The following CLASP2 variants were observed in gnomAD, a reference collection of about 807,000 sequenced individuals.
The protein encoded by CLASP2 is CLIP-associating protein 2.
In CLASP2, 47 loss-of-function variants were observed where a neutral mutation model predicts 194.4. The observed-to-expected ratio is 0.24, with a 90% CI of 0.19 to 0.31. The LOEUF (loss-of-function observed/expected upper bound fraction) is 0.31, where lower values mean the gene tolerates loss of function less well. Ranked by LOEUF, CLASP2 falls within the 10% of genes least tolerant of loss-of-function variation. The pLI, the probability that CLASP2 is intolerant of heterozygous loss-of-function variation, is 1.00. For synonymous variants in CLASP2, 619 were observed against 633.5 expected, an observed-to-expected ratio of 0.98 and a Z score of 0.34; for missense variants, 1,445 against 1,823.6, an observed-to-expected ratio of 0.79 and a Z score of 3.78.
chr3:33,504,503 A>C (rs140695453), intron 37 of CLASP2: 2 of 152,216 alleles, frequency 1.3e-5, no homozygotes, highest in Non-Finnish European at 2.9e-5. Context: ...TGAGCTGCGT[A>C]ATCATTCAAT....
chr3:33,637,483 G>A (rs927342943), intron 8 of CLASP2, among the ~76,000 whole-genome samples: 1 of 152,104 alleles, frequency 6.6e-6, no homozygotes, highest in Admixed American at 6.5e-5. Flanking sequence ...GCAGTGAGCC[G>A]AGATCATGCC....
chr3:33,514,838 AC>A (rs2050844962), intron 36 of CLASP2, among the ~76,000 whole-genome samples: 1 of 142,358 alleles, frequency 7.0e-6, no homozygotes, highest in South Asian at 2.2e-4. Flanking sequence ...ACACACACAC[AC>A]CATGTGTATG....
At chr3:33,594,328 A>G (rs1035487009) in intron 20 of CLASP2, among the ~76,000 whole-genome samples, 10 of 152,180 alleles carry the variant, frequency 6.6e-5, no homozygotes, top group East Asian at 1.9e-4. Context: ...GGTTTTAAAA[A>G]GACAGACTTC....
At chr3:33,670,742 A>C (rs1204179048) in intron 6 of CLASP2, among the ~76,000 whole-genome samples, 3 of 152,008 alleles carry the variant, frequency 2.0e-5, no homozygotes, top group Non-Finnish European at 2.9e-5. Context: ...AGAGTGGACA[A>C]CTCTTGAGAG....
chr3:33,716,860 AG>A (rs1435182516), intron 1 of CLASP2, among the ~76,000 whole-genome samples: 2 of 152,238 alleles, frequency 1.3e-5, no homozygotes, highest in Non-Finnish European at 2.9e-5. Context: ...TTTGAATAAA[AG>A]GTTTCAAAGT....
chr3:33,687,203 T>C (rs2090784120), intron 4 of CLASP2, 68 bp from the exon 5 acceptor site: 5 of 938,774 alleles, frequency 5.3e-6, no homozygotes, highest in Non-Finnish European at 8.2e-6. Context: ...AATATCCTTA[T>C]ACCTTCTTGT....
intron 29 of CLASP2, among the ~76,000 whole-genome samples, chr3:33,554,057 A>G (rs1014743056): frequency 6.6e-6 from 1 of 152,024 alleles, no homozygotes; most frequent in South Asian, 2.1e-4. Context: ...GTTAAACCCC[A>G]TCTATACTAA....
chr3:33,565,216 TCACCC>T (rs2062483391), intron 27 of CLASP2, among the ~76,000 whole-genome samples: 2 of 152,256 alleles, frequency 1.3e-5, no homozygotes, highest in Non-Finnish European at 2.9e-5. Flanking sequence ...GTCTCACCTA[TCACCC>T]AGGGTGGAGT....
At position 33,644,835 on chromosome 3, in the gene CLASP2, C is replaced by A. The variant is rs1345643464; in HGVS notation, c.784G>T (p.Val262Phe). Residue 262 changes from valine to phenylalanine, a missense_variant, in exon 8 of 39, where the codon GTT becomes TTT. Around this residue, in one of 4 missense-constraint regions of CLASP2, gnomAD observed 332 missense variants for 325.3 expected, o/e 1.02. Coordinates refer to ENST00000682230, the MANE Select transcript of CLASP2 (RefSeq NM_001365631.1). ...RPSSAASAFK[V>F]PAPKTSGNPA... Reference sequence around the variant, plus strand: ...TTTCCGGATGTTTTAGGTGCAGGAACCTTGAAGGCTGATGCAGCTGATGAT... The same window carrying A: ...TTTCCGGATGTTTTAGGTGCAGGAAACTTGAAGGCTGATGCAGCTGATGAT... 3.7e-6 allele frequency: 6 copies of A among 1,612,108 alleles called. No individual in the cohort carries two copies. The highest frequency in any genetic ancestry group is 5.1e-6 in the Non-Finnish European group (6 of 1,179,052).
intron 37 of CLASP2, chr3:33,503,468 G>C (rs2047313232): frequency 1.3e-5 from 2 of 148,602 alleles, no homozygotes; most frequent in Admixed American, 1.4e-4. Context: ...TTGCTCCGTT[G>C]CCTAGGCTGG....
chr3:33,705,879 T>C (rs1396699587), intron 1 of CLASP2, among the ~76,000 whole-genome samples: 4 of 151,880 alleles, frequency 2.6e-5, no homozygotes, highest in Non-Finnish European at 5.9e-5. Flanking sequence ...TACTGTTAAG[T>C]GAAAAAAGCA....
intron 28 of CLASP2, among the ~76,000 whole-genome samples, chr3:33,560,152 A>G (rs1457847736): frequency 6.6e-6 from 1 of 152,236 alleles, no homozygotes; most frequent in East Asian, 1.9e-4. Context: ...TAAATGCATA[A>G]TAAAACGTTG....
At chr3:33,506,831 C>A (rs2048380073) in intron 37 of CLASP2, among the ~76,000 whole-genome samples, 1 of 152,012 alleles carries the variant, frequency 6.6e-6, no homozygotes, top group Non-Finnish European at 1.5e-5. Flanking sequence ...TCTATTAAGT[C>A]TACCTTTATG....
intron 8 of CLASP2, among the ~76,000 whole-genome samples, 185 bp from the exon 9 acceptor site, chr3:33,632,556 G>A (rs1257631933): frequency 1.3e-5 from 2 of 152,112 alleles, no homozygotes; most frequent in Non-Finnish European, 2.9e-5. Flanking sequence ...TTGTAATGCC[G>A]ATTCATTATA....
At chr3:33,690,729 T>C (rs1478879146) in intron 2 of CLASP2, among the ~76,000 whole-genome samples, 1 of 152,212 alleles carries the variant, frequency 6.6e-6, no homozygotes, top group Non-Finnish European at 1.5e-5. Context: ...GATGAATTCT[T>C]GGACTGTCCC....
At chr3:33,547,875 A>G (rs2059400227) in intron 30 of CLASP2, among the ~76,000 whole-genome samples, 1 of 147,346 alleles carries the variant, frequency 6.8e-6, no homozygotes, top group African/African-American at 2.5e-5. Context: ...TGCAGCATCG[A>G]CCTCCCAGAC....
chr3:33,547,122 T>C (rs2059267864), intron 30 of CLASP2, among the ~76,000 whole-genome samples: 1 of 152,226 alleles, frequency 6.6e-6, no homozygotes, highest in South Asian at 2.1e-4. Flanking sequence ...GTCATTGATA[T>C]GGTTTGGCTC....
intron 37 of CLASP2, among the ~76,000 whole-genome samples, chr3:33,510,158 T>A (rs1386999353): frequency 6.6e-6 from 1 of 152,170 alleles, no homozygotes; most frequent in Non-Finnish European, 1.5e-5. Flanking sequence ...ATTGTATTAT[T>A]CCACTTATAA....
chr3:33,552,930 T>A (rs1055263198), intron 29 of CLASP2, among the ~76,000 whole-genome samples: 2 of 152,212 alleles, frequency 1.3e-5, no homozygotes, highest in African/African-American at 2.4e-5. Context: ...ATGTTGTACC[T>A]GTGCACTTAA....
Sources: allele counts gnomAD v4.1 joint callset (sites outside exome capture counted in the v4.1 genomes callset), GRCh38; gene constraint gnomAD v4.1.1; regional missense constraint gnomAD v4.1.1; transcripts MANE v1.5; gene names NCBI Gene and HGNC (gene_info 2026-07-23, HGNC 2026-07-21).